EPS15: variants seen among roughly 807,000 people sequenced by gnomAD.
The protein encoded by EPS15 is epidermal growth factor receptor substrate 15.
Under a neutral mutation model 113.8 loss-of-function variants are expected in EPS15, and 72 were observed. That is an observed-to-expected ratio of 0.63 (90% CI 0.52 to 0.77). EPS15 has a LOEUF of 0.77. Ranked by LOEUF, EPS15 falls within the 30% of genes least tolerant of loss-of-function variation. EPS15 has a pLI of 0.00. For missense variants in EPS15, 1,048 were observed against 1,045.8 expected (o/e 1.00, Z -0.03); for synonymous variants, 344 against 363.4 (o/e 0.95, Z 0.61).
chr1:51,416,256 C>G (rs1165728958), intron 13 of EPS15, among the ~76,000 whole-genome samples: 1 of 152,128 alleles, frequency 6.6e-6, no homozygotes, highest in Non-Finnish European at 1.5e-5. Flanking sequence ...CTATCAAATG[C>G]CATTCCCTCC....
chr1:51,431,248 C>G (rs1651710219), intron 12 of EPS15, among the ~76,000 whole-genome samples: 1 of 151,894 alleles, frequency 6.6e-6, no homozygotes, highest in Admixed American at 6.6e-5. Context: ...TTACTTAGTT[C>G]TGAGAGACTG....
intron 12 of EPS15, among the ~76,000 whole-genome samples, chr1:51,434,458 T>G (rs993663287): frequency 3.3e-5 from 5 of 152,090 alleles, no homozygotes; most frequent in African/African-American, 1.2e-4. Flanking sequence ...AAGACAAATA[T>G]CTCACGATTC....
At chr1:51,465,754 T>C (rs78039453) in intron 5 of EPS15, among the ~76,000 whole-genome samples, 4,882 of 152,154 alleles carry the variant, frequency 0.032, 125 homozygotes, top group Non-Finnish European at 0.05. Flanking sequence ...TGCATGACTG[T>C]AATGCACGTA....
In EPS15 at chr1:51,388,774, G is replaced by C. The variant is rs374752485; in HGVS notation, c.2119+5607C>G. On this transcript the variant is annotated intron_variant, in intron 21 of 24. Transcript: ENST00000371733. ...CCTCCCAAGACTAAACCAGGAAGAAGTTGACTCTCTGAATAGACCAATAAC... is the reference window on the plus strand; with the variant it reads ...CCTCCCAAGACTAAACCAGGAAGAACTTGACTCTCTGAATAGACCAATAAC... Among the ~76,000 whole-genome samples the C allele has an allele frequency of 3.9e-5, 6 of 152,184 alleles. No homozygotes were observed. In the South Asian group the frequency reaches 1.2e-3, roughly 31 times the overall value.
In EPS15 at chr1:51,423,765, T is replaced by C. The variant is rs139308929; in HGVS notation, c.1041-1907A>G. ...AAGAAGCCAGTGAGCTGACTCAAAG[T>C]AGCCAAGGCAGAAAGATGGGAGAGC... On this transcript the variant is annotated intron_variant, in intron 12 of 24. Coordinates refer to ENST00000371733, the MANE Select transcript of EPS15 (RefSeq NM_001981.3). 2.9e-4 allele frequency: 288 copies of C among 980,576 alleles called. 4 individuals carry two copies. The African/African-American group carries it at 4.4e-3, about 15-fold the overall frequency. The allele number at this position is 980,576 out of a possible 1,614,324, so 60.7% of individuals were successfully genotyped here.
chr1:51,504,951 T>C (rs1289512975), intron 1 of EPS15, among the ~76,000 whole-genome samples: 4 of 152,058 alleles, frequency 2.6e-5, no homozygotes, highest in African/African-American at 9.7e-5. Context: ...TAAAACCCTG[T>C]CTCTACTAAA....
At chr1:51,505,542 C>G (rs1644484427) in intron 1 of EPS15, among the ~76,000 whole-genome samples, 1 of 152,072 alleles carries the variant, frequency 6.6e-6, no homozygotes, top group South Asian at 2.1e-4. Flanking sequence ...AGGGTGATAG[C>G]TGAGGGGTAC....
chr1:51,462,371 G>GAA (rs796097880), intron 7 of EPS15, among the ~76,000 whole-genome samples: 23 of 117,502 alleles, frequency 2.0e-4, no homozygotes, highest in African/African-American at 6.6e-4. Context: ...CTCAAAAAAA[G>GAA]AAAAAAAAAA....
intron 12 of EPS15, chr1:51,423,079 G>C (rs896465115): frequency 3.1e-5 from 16 of 514,156 alleles, no homozygotes; most frequent in Non-Finnish European, 4.3e-5. Flanking sequence ...TTTAAATGTA[G>C]ACAAAAATCA....
chr1:51,379,994 G>C (rs1249274263), intron 21 of EPS15, among the ~76,000 whole-genome samples: 1 of 151,684 alleles, frequency 6.6e-6, no homozygotes, highest in Non-Finnish European at 1.5e-5. Flanking sequence ...GCGACAGGGG[G>C]AGGATGCAGT....
At chr1:51,463,252 A>C (rs1654609474) in intron 7 of EPS15, 1 of 152,782 alleles carries the variant, frequency 6.5e-6, no homozygotes, top group African/African-American at 2.4e-5. Flanking sequence ...GAGCTCTATA[A>C]AGACAGGAAG....
In EPS15 at chr1:51,480,793, T is replaced by G. The variant is rs527574560; in HGVS notation, c.75+480A>C. 1.8e-4 allele frequency among the ~76,000 whole-genome samples: 28 copies of G among 152,272 alleles called. No homozygotes were observed. The South Asian group carries it at 5.6e-3, about 30-fold the overall frequency. ...TCCCAAAGGGCTGGGATTACAGGTGTGAGCCACCACACCCGGCCATATTCC... is the reference window on the plus strand; with the variant it reads ...TCCCAAAGGGCTGGGATTACAGGTGGGAGCCACCACACCCGGCCATATTCC... On this transcript the variant is annotated intron_variant, in intron 2 of 24. Transcript: ENST00000371733.
At chr1:51,422,339 C>T (rs1376936323) in intron 12 of EPS15, among the ~76,000 whole-genome samples, 3 of 152,092 alleles carry the variant, frequency 2.0e-5, no homozygotes, top group African/African-American at 7.2e-5. Flanking sequence ...CACTGGTGTG[C>T]ATCAATTTTA....
chr1:51,484,870 T>C (rs960114949), intron 1 of EPS15, among the ~76,000 whole-genome samples: 2 of 152,184 alleles, frequency 1.3e-5, no homozygotes, highest in African/African-American at 2.4e-5. Flanking sequence ...AAATTGCAGG[T>C]TGGGTGCAAA....
chr1:51,441,346 T>C (rs1048409805), intron 11 of EPS15, among the ~76,000 whole-genome samples: 1 of 152,098 alleles, frequency 6.6e-6, no homozygotes, highest in Non-Finnish European at 1.5e-5. Flanking sequence ...CTGTAAACTA[T>C]CACTGATGCC....
rs545836148 is a variant in EPS15, at chr1:51,480,915, T to G, written c.75+358A>C. Among the ~76,000 whole-genome samples, 266 of 152,352 alleles carry G rather than the reference T, an allele frequency of 1.7e-3. 5 individuals are homozygous for G. In the South Asian group the frequency reaches 0.029, roughly 16 times the overall value. On this transcript the variant is annotated intron_variant, in intron 2 of 24. Transcript: ENST00000371733. ...GATACATGCTCATTATGTATTTGTA[T>G]AAAAGTCATGTTTTTCACTTTGTGA...
intron 4 of EPS15, among the ~76,000 whole-genome samples, chr1:51,471,255 C>A (rs563283985): frequency 6.6e-6 from 1 of 152,288 alleles, no homozygotes; most frequent in South Asian, 2.1e-4. Flanking sequence ...GAATTTACTT[C>A]TGGTTTATAA....
At chr1:51,512,843 C>CTTTTTT (rs59750666) in intron 1 of EPS15, among the ~76,000 whole-genome samples, 45 of 118,702 alleles carry the variant, frequency 3.8e-4, no homozygotes, top group South Asian at 2.6e-3. Context: ...TGAGCAATAT[C>CTTTTTT]TTTTTTTTTT....
intron 21 of EPS15, among the ~76,000 whole-genome samples, chr1:51,386,035 TTA>T (rs987216750): frequency 6.6e-6 from 1 of 152,198 alleles, no homozygotes; most frequent in African/African-American, 2.4e-5. Flanking sequence ...ATGCCAAACT[TTA>T]TGTTATGTAT....
Sources: allele counts gnomAD v4.1 joint callset (sites outside exome capture counted in the v4.1 genomes callset), GRCh38; gene constraint gnomAD v4.1.1; transcripts MANE v1.5; gene names NCBI Gene and HGNC (gene_info 2026-07-23, HGNC 2026-07-21).